Variants in CD300LG observed in about 807,000 individuals in gnomAD.
CD300LG encodes CMRF35-like molecule 9.
A neutral mutation model predicts 31.5 loss-of-function variants in CD300LG; 29 were observed. That is an observed-to-expected ratio of 0.92 (90% CI 0.68 to 1.25). The LOEUF is 1.25. CD300LG is among the 50% of genes most tolerant of loss of function. The probability of loss-of-function intolerance (pLI) is 0.00; values close to 1 mark genes in which losing one functional copy is unlikely to be tolerated. For synonymous variants in CD300LG, 175 were observed against 177.2 expected (o/e 0.99, Z 0.10); for missense variants, 396 against 417.6 (o/e 0.95, Z 0.45).
intron 2 of CD300LG, among the ~76,000 whole-genome samples, chr17:43,851,124 A>ACTC (rs967347429): frequency 7.3e-6 from 1 of 137,446 alleles, no homozygotes; most frequent in Admixed American, 7.4e-5. Context: ...ACAGAGCCAG[A>ACTC]CTCAGTCTCA....
In CD300LG at chr17:43,862,430, C is replaced by CA. The variant is rs1344602367; in HGVS notation, c.*520dup. 1 of 152,248 alleles carries CA rather than the reference C, an allele frequency of 6.6e-6. No individual in the cohort carries two copies. The highest frequency in any genetic ancestry group is 1.5e-5 in the Non-Finnish European group (1 of 68,084). The allele number at this position is 152,248 out of a possible 1,614,324, so 9.4% of individuals were successfully genotyped here. ...TTGAACCACCTGCATCCCAGCCCTT[C>CA]AGGAAGCCTGTGAAAAACGTGATTC... On this transcript the variant is annotated 3_prime_UTR_variant, in exon 7 of 7. Coordinates refer to ENST00000317310, the MANE Select transcript of CD300LG (RefSeq NM_145273.4).
At chr17:43,847,388 G>A (rs544145451) in intron 1 of CD300LG, 129 bp downstream of exon 1, 13 of 963,164 alleles carry the variant, frequency 1.3e-5, no homozygotes, top group South Asian at 5.8e-5. Context: ...GGGGAGCGGG[G>A]CGGGCTGGGG....
rs905652665 is a variant in CD300LG, at chr17:43,861,960, T to A, written c.*49T>A. On this transcript the variant is annotated 3_prime_UTR_variant, in exon 7 of 7. Transcript: ENST00000317310. ...CCAGCAGTGAAGCAGTATGGCTGGC[T>A]GGATCAGCACCGATTCCCGAAAGCT... 7.3e-7 allele frequency: 1 copy of A among 1,378,720 alleles called. No individual in the cohort carries two copies. The highest frequency in any genetic ancestry group is 1.0e-6 in the Non-Finnish European group (1 of 1,004,866). 85.4% of individuals were successfully genotyped at this position (1,378,720 alleles called of 1,614,324 possible).
At chr17:43,857,722 C>A in intron 6 of CD300LG, 1 of 1,479,196 alleles carries the variant, frequency 6.8e-7, no homozygotes, top group South Asian at 1.2e-5. Context: ...CCCATGGTCA[C>A]ACAGCAGGTG....
chr17:43,858,005 G>A, intron 6 of CD300LG: 2 of 1,471,096 alleles, frequency 1.4e-6, no homozygotes, highest in South Asian at 1.4e-5. Flanking sequence ...GGGGGCTGCA[G>A]CATCGCACTT....
At chr17:43,857,961 A>T in intron 6 of CD300LG, 1 of 1,523,342 alleles carries the variant, frequency 6.6e-7, no homozygotes. Context: ...CTGCAAGAAG[A>T]GACTGTGCCC....
chr17:43,860,817 A>C (rs16940272), intron 6 of CD300LG, among the ~76,000 whole-genome samples: 6,027 of 152,280 alleles, frequency 0.04, 342 homozygotes, highest in African/African-American at 0.12. Context: ...GAAAACAAAT[A>C]AGTCATTCCA....
intron 6 of CD300LG, 48 bp from the exon 7 acceptor site, chr17:43,861,750 C>T: frequency 7.6e-7 from 1 of 1,311,780 alleles, no homozygotes; most frequent in African/African-American, 1.5e-5. Context: ...ACACCTCCCA[C>T]CCCTTCATCT....
chr17:43,858,128 C>T (rs2046578052), intron 6 of CD300LG: 2 of 1,319,798 alleles, frequency 1.5e-6, no homozygotes, highest in South Asian at 3.3e-5. Flanking sequence ...TGCCTTCTTT[C>T]CTGGCGCCAG....
Position 43,853,988 on chromosome 17 carries a change from C to T in CD300LG, c.663C>T (p.Asp221=). 4 of 1,614,238 alleles carry T rather than the reference C, an allele frequency of 2.5e-6. No individual in the cohort carries two copies. Among genetic ancestry groups the T allele is most frequent in the Non-Finnish European group, 3.4e-6 (4 of 1,180,024 alleles). Residue 221 remains aspartate (D), a synonymous_variant, in exon 4 of 7, where the codon GAC becomes GAT. Coordinates refer to ENST00000317310, the MANE Select transcript of CD300LG (RefSeq NM_145273.4). ...GCTCCCGCCCCCCCATGCAGCTGGA[C>T]TCCACCTCAGCAGAGGACACCAGTC... is the stretch of plus-strand genomic sequence containing the variant. ...AGSSRPPMQL[D]STSAEDTSPA... is the part of the protein sequence containing the mutation.
At chr17:43,854,980 C>A (rs1428090439) in intron 4 of CD300LG, among the ~76,000 whole-genome samples, 1 of 152,086 alleles carries the variant, frequency 6.6e-6, no homozygotes, top group Non-Finnish European at 1.5e-5. Context: ...AGAGTTTGAA[C>A]CTAGACAGCC....
rs576653804 is a variant in CD300LG, at chr17:43,853,625, G to A, written c.482-182G>A. Among the ~76,000 whole-genome samples, 9 of 152,196 alleles carry A rather than the reference G, an allele frequency of 5.9e-5. No individual in the cohort carries two copies. In the South Asian group the frequency reaches 1.7e-3, roughly 28 times the overall value. ...CAGCTGTGGGGTGTGCCTGATCTAC[G>A]GTCTCCTTCCTCAAAGTGGCTTCAT... On this transcript the variant is annotated intron_variant, in intron 3 of 6. Coordinates refer to ENST00000317310, the MANE Select transcript of CD300LG (RefSeq NM_145273.4).
Position 43,855,205 on chromosome 17 carries a change from A to G in CD300LG, c.720-2A>G. 2 of 1,599,598 alleles carry G rather than the reference A, an allele frequency of 1.3e-6. No homozygotes were observed. Among genetic ancestry groups the G allele is most frequent in the Non-Finnish European group, 1.7e-6 (2 of 1,173,470 alleles). On this transcript the variant is annotated splice_acceptor_variant, in intron 4 of 6. Transcript: ENST00000317310. LOFTEE classifies it high-confidence loss of function. ...ACTAGGCTCCTTGCGTCTCGTCTCC[A>G]GGGTGTCCATCCCGATGGTCCGCAT...
intron 2 of CD300LG, among the ~76,000 whole-genome samples, chr17:43,851,738 A>G (rs2046363841): frequency 7.6e-6 from 1 of 131,078 alleles, no homozygotes; most frequent in South Asian, 2.4e-4. Flanking sequence ...TTGTATTTTT[A>G]GTAGAGACAG....
chr17:43,853,750 G>A, intron 3 of CD300LG, 57 bp from the exon 4 acceptor site: 1 of 1,420,248 alleles, frequency 7.0e-7, no homozygotes, highest in Non-Finnish European at 9.8e-7. Flanking sequence ...CAGAAGTCAG[G>A]GATGCTGGGA....
chr17:43,861,399 A>C, intron 6 of CD300LG: 1 of 533,538 alleles, frequency 1.9e-6, no homozygotes, highest in Non-Finnish European at 2.4e-6. Context: ...CACCTTCCCC[A>C]TTCACAGCCA....
At position 43,857,086 on chromosome 17, in the gene CD300LG, C is replaced by A. The variant is rs374975092; in HGVS notation, c.833-18C>A. 1 of 1,613,898 alleles carries A rather than the reference C, an allele frequency of 6.2e-7. No individual in the cohort carries two copies. Among genetic ancestry groups the A allele is most frequent in the Admixed American group, 1.7e-5 (1 of 60,020 alleles). ...TACTCCTGGCTTCAAGGGGCTCCTCCTTCTACATCTCTTTCAGCTCAACAG... is the reference window on the plus strand; with the variant it reads ...TACTCCTGGCTTCAAGGGGCTCCTCATTCTACATCTCTTTCAGCTCAACAG... On this transcript the variant is annotated intron_variant, in intron 5 of 6. Coordinates refer to ENST00000317310, the MANE Select transcript of CD300LG (RefSeq NM_145273.4).
intron 6 of CD300LG, 82 bp from the exon 7 acceptor site, chr17:43,861,716 G>A: frequency 2.3e-6 from 2 of 868,782 alleles, no homozygotes; most frequent in Non-Finnish European, 3.4e-6. Context: ...GGTGGACGCA[G>A]CAGCTACCTG....
chr17:43,855,029 A>G (rs2046472017), intron 4 of CD300LG, among the ~76,000 whole-genome samples, 178 bp from the exon 5 acceptor site: 1 of 152,116 alleles, frequency 6.6e-6, no homozygotes, highest in African/African-American at 2.4e-5. Flanking sequence ...ATGTTTGTCA[A>G]GAGCCAGTAG....
Sources: allele counts gnomAD v4.1 joint callset (sites outside exome capture counted in the v4.1 genomes callset), GRCh38; gene constraint gnomAD v4.1.1; transcripts MANE v1.5; gene names NCBI Gene and HGNC (gene_info 2026-07-23, HGNC 2026-07-21).